The following CFAP263 variants were observed in gnomAD, a reference collection of about 807,000 sequenced individuals.
CFAP263 encodes cilia and flagella associated protein 263, also known as cilia- and flagella-associated protein 263.
the CFAP263 span, chr16:58,258,342 TTC>T: frequency 6.2e-6 from 10 of 1,608,500 alleles, no homozygotes; most frequent in African/African-American, 1.3e-5. Context: ...GGAAACGTTC[TTC>T]TCTCTTTGTG....
the CFAP263 span, among the ~76,000 whole-genome samples, chr16:58,257,296 C>T: frequency 2.7e-5 from 3 of 112,166 alleles, no homozygotes; most frequent in Non-Finnish European, 6.2e-5. Context: ...GGATTACAGG[C>T]GTGAGCCACC....
the CFAP263 span, among the ~76,000 whole-genome samples, chr16:58,265,609 T>C: frequency 6.6e-6 from 1 of 152,136 alleles, no homozygotes; most frequent in South Asian, 2.1e-4. Context: ...GCGGACACCT[T>C]GATTTCAGCC....
At chr16:58,263,121 G>A in the CFAP263 span, among the ~76,000 whole-genome samples, 3 of 152,116 alleles carry the variant, frequency 2.0e-5, no homozygotes, top group Non-Finnish European at 2.9e-5. Flanking sequence ...GCACACAAAG[G>A]GCCTGGCCCC....
chr16:58,282,195 TG>T, the CFAP263 span: 15,725 of 151,980 alleles, frequency 0.1, 900 homozygotes, highest in Admixed American at 0.13. Context: ...TTAGTAGAGA[TG>T]GGGTTTCACC....
the CFAP263 span, chr16:58,267,692 A>T: frequency 1.4e-6 from 1 of 692,616 alleles, no homozygotes; most frequent in African/African-American, 1.8e-5. Context: ...GTTTATCTAG[A>T]AAAGCCTAGA....
chr16:58,278,385 C>A, the CFAP263 span: 1 of 1,056,286 alleles, frequency 9.5e-7, no homozygotes, highest in Non-Finnish European at 1.4e-6. Context: ...ATTTTTGGAA[C>A]TCTATTGGAA....
the CFAP263 span, chr16:58,280,714 T>C: frequency 6.2e-7 from 1 of 1,613,718 alleles, no homozygotes; most frequent in East Asian, 2.2e-5. Flanking sequence ...AACCCACAGA[T>C]CGAACTGCTG....
the CFAP263 span, chr16:58,252,968 C>T: frequency 9.9e-6 from 10 of 1,008,138 alleles, no homozygotes; most frequent in Non-Finnish European, 1.3e-5. Flanking sequence ...GGGACCTTCT[C>T]CCTGTTTTAC....
the CFAP263 span, chr16:58,252,733 A>T: frequency 6.2e-7 from 1 of 1,613,506 alleles, no homozygotes; most frequent in Non-Finnish European, 8.5e-7. Flanking sequence ...GCAGCTATGT[A>T]AACTCTGCTC....
the CFAP263 span, among the ~76,000 whole-genome samples, chr16:58,274,538 T>A: frequency 6.6e-6 from 1 of 152,210 alleles, no homozygotes; most frequent in Non-Finnish European, 1.5e-5. Flanking sequence ...GTTTACCCAA[T>A]GCTGTTCTCA....
the CFAP263 span, chr16:58,280,105 G>C: frequency 1.2e-5 from 12 of 1,023,876 alleles, no homozygotes; most frequent in Non-Finnish European, 1.7e-5. Context: ...GTATGCCATG[G>C]GCTTATCCGT....
the CFAP263 span, among the ~76,000 whole-genome samples, chr16:58,252,314 G>C: frequency 1.3e-5 from 2 of 151,888 alleles, no homozygotes; most frequent in African/African-American, 4.8e-5. Context: ...AGGTTACAGT[G>C]AGTGCAACAG....
At chr16:58,258,978 A>G in the CFAP263 span, among the ~76,000 whole-genome samples, 2 of 145,448 alleles carry the variant, frequency 1.4e-5, no homozygotes, top group African/African-American at 5.4e-5. Context: ...ACTCCGTCTC[A>G]GAAAAAATAA....
At chr16:58,249,962 GCAC>G in the CFAP263 span, 9 of 1,249,292 alleles carry the variant, frequency 7.2e-6, no homozygotes, top group Non-Finnish European at 1.1e-6. Flanking sequence ...GTGGCCGCCG[GCAC>G]CCGGAGCTCC....
the CFAP263 span, chr16:58,258,399 G>A: frequency 8.9e-3 from 14,433 of 1,613,986 alleles, 1,319 homozygotes; most frequent in Admixed American, 0.19. Flanking sequence ...ATTCGATGGA[G>A]TGAAGTTTCG....
the CFAP263 span, among the ~76,000 whole-genome samples, chr16:58,275,825 A>G: frequency 6.6e-6 from 1 of 152,242 alleles, no homozygotes; most frequent in Admixed American, 6.5e-5. Context: ...CTTACGCTGA[A>G]ATTAATTCAG....
the CFAP263 span, among the ~76,000 whole-genome samples, chr16:58,277,596 G>T: frequency 6.7e-6 from 1 of 149,696 alleles, no homozygotes; most frequent in African/African-American, 2.5e-5. Context: ...GAGGAGAATT[G>T]AACAGATTTT....
At chr16:58,271,101 A>G in the CFAP263 span, among the ~76,000 whole-genome samples, 4 of 152,142 alleles carry the variant, frequency 2.6e-5, no homozygotes, top group Admixed American at 6.5e-5. Flanking sequence ...TTATACAGTT[A>G]ATTTTATTTG....
the CFAP263 span, among the ~76,000 whole-genome samples, chr16:58,277,375 C>T: frequency 1.3e-5 from 2 of 152,238 alleles, no homozygotes; most frequent in East Asian, 1.9e-4. Context: ...GTGATCCGCC[C>T]GCCTTAGCCT....
Sources: allele counts gnomAD v4.1 joint callset (sites outside exome capture counted in the v4.1 genomes callset), GRCh38; gene constraint gnomAD v4.1.1; transcripts MANE v1.5; gene names NCBI Gene and HGNC (gene_info 2026-07-23, HGNC 2026-07-21).